CNBD1: variants seen among roughly 807,000 people sequenced by gnomAD.
CNBD1 encodes cyclic nucleotide binding domain containing 1, also known as cyclic nucleotide-binding domain-containing protein 1.
A neutral mutation model predicts 54.4 loss-of-function variants in CNBD1; 71 were observed. That is an observed-to-expected ratio of 1.30 (90% CI 1.08 to 1.59). The LOEUF (loss-of-function observed/expected upper bound fraction) is 1.59. CNBD1 is among the 40% of genes most tolerant of loss of function. The pLI is 0.00. For synonymous variants in CNBD1, 182 were observed against 170.7 expected (o/e 1.07, Z -0.51); for missense variants, 659 against 518.0 (o/e 1.27, Z -2.64).
chr8:87,391,528 C>G (rs1409690300), intron 2 of CNBD1, among the ~76,000 whole-genome samples: 1 of 152,046 alleles, frequency 6.6e-6, no homozygotes, highest in Admixed American at 6.6e-5. Flanking sequence ...AATTGAATGT[C>G]CATAAATAAA....
chr8:87,149,601 C>T (rs1812560509), intron 4 of CNBD1, among the ~76,000 whole-genome samples: 1 of 152,092 alleles, frequency 6.6e-6, no homozygotes, highest in Non-Finnish European at 1.5e-5. Flanking sequence ...GTTTAAATTT[C>T]AGGTATCTTG....
intron 1 of CNBD1, among the ~76,000 whole-genome samples, chr8:86,879,561 C>T (rs1352201595): frequency 6.6e-6 from 1 of 152,128 alleles, no homozygotes; most frequent in Non-Finnish European, 1.5e-5. Flanking sequence ...GCACCCAGAA[C>T]ATGCGTTGTT....
chr8:87,289,031 A>G (rs143114612), intron 8 of CNBD1, among the ~76,000 whole-genome samples: 3 of 152,240 alleles, frequency 2.0e-5, no homozygotes, highest in African/African-American at 7.2e-5. Context: ...CTGACTGTTT[A>G]GTCAAGATTT....
chr8:87,272,931 T>C (rs1236069239), intron 6 of CNBD1, among the ~76,000 whole-genome samples: 2 of 151,960 alleles, frequency 1.3e-5, no homozygotes, highest in South Asian at 4.1e-4. Flanking sequence ...TCATGCTCGC[T>C]CTTCCAAAAA....
chr8:86,969,791 T>C (rs571982669), intron 4 of CNBD1, among the ~76,000 whole-genome samples: 789 of 53,730 alleles, frequency 0.015, 3 homozygotes, highest in African/African-American at 0.021. Context: ...TATATATATA[T>C]ATACACACAC....
intron 6 of CNBD1, among the ~76,000 whole-genome samples, chr8:87,268,589 A>T (rs1309269773): frequency 6.6e-6 from 1 of 151,846 alleles, no homozygotes; most frequent in Non-Finnish European, 1.5e-5. Flanking sequence ...AACCTCACCA[A>T]CATCTGTTGT....
intron 4 of CNBD1, among the ~76,000 whole-genome samples, chr8:87,056,011 C>A (rs1230789644): frequency 6.6e-6 from 1 of 151,460 alleles, no homozygotes; most frequent in African/African-American, 2.4e-5. Flanking sequence ...ATTTGTGGAG[C>A]ACTTACTATG....
At chr8:87,083,935 C>T (rs1811048872) in intron 4 of CNBD1, among the ~76,000 whole-genome samples, 1 of 152,118 alleles carries the variant, frequency 6.6e-6, no homozygotes, top group Non-Finnish European at 1.5e-5. Context: ...TCATGCTGCC[C>T]TAAAATGTAT....
intron 4 of CNBD1, among the ~76,000 whole-genome samples, chr8:87,075,583 C>T (rs527650163): frequency 7.2e-5 from 11 of 152,216 alleles, no homozygotes; most frequent in Non-Finnish European, 1.5e-4. Context: ...TTCTTCCCTA[C>T]TATATAAACT....
rs146419521 is a variant in CNBD1, at chr8:87,327,479, G to A, written c.1043-24206G>A. 8.3e-4 allele frequency among the ~76,000 whole-genome samples: 126 copies of A among 152,306 alleles called. 2 individuals are homozygous for A. In the East Asian group the frequency reaches 0.012, roughly 15 times the overall value. Reference sequence around the variant, plus strand: ...AGATTCCGTGGGCGTAGGATACTCCGAACCAGGTGTGGGATATAGTTTCGT... The same window carrying A: ...AGATTCCGTGGGCGTAGGATACTCCAAACCAGGTGTGGGATATAGTTTCGT... On this transcript the variant is annotated intron_variant, in intron 8 of 10. Transcript: ENST00000518476.
At chr8:87,277,290 G>A (rs994738013) in intron 6 of CNBD1, among the ~76,000 whole-genome samples, 1 of 151,652 alleles carries the variant, frequency 6.6e-6, no homozygotes, top group Non-Finnish European at 1.5e-5. Flanking sequence ...GGGAAGGTCA[G>A]CCTTTTATGC....
At position 87,353,765 on chromosome 8, in the gene CNBD1, A is replaced by C; in HGVS notation, c.1282A>C (p.Ile428Leu). The C allele has an allele frequency of 6.2e-7, 1 of 1,608,984 alleles. No homozygotes were observed. The highest frequency in any genetic ancestry group is 8.5e-7 in the Non-Finnish European group (1 of 1,178,004). The change falls in exon 10 of 11, where the codon ATT becomes CTT. Residue 428 changes from isoleucine to leucine, a missense_variant. By Grantham distance (5) the Ile-to-Leu change is conservative (BLOSUM62 2). Coordinates refer to ENST00000518476, the MANE Select transcript of CNBD1 (RefSeq NM_173538.3). The stretch of plus-strand genomic sequence containing the variant: ...CAAAAAAGAAGTTGAGATGGCAATC[A>C]TTGAAGATAAGGACCTATTTGGTAA... ...ITKKEVEMAI[I>L]EDKDLFVA
chr8:86,944,051 T>C (rs1475002603), intron 4 of CNBD1, among the ~76,000 whole-genome samples: 1 of 152,166 alleles, frequency 6.6e-6, no homozygotes, highest in Non-Finnish European at 1.5e-5. Flanking sequence ...GAATAAATGC[T>C]GAGGGAGAAG....
intron 2 of CNBD1, among the ~76,000 whole-genome samples, chr8:87,421,786 A>G (rs1437558008): frequency 4.9e-4 from 71 of 145,548 alleles, no homozygotes; most frequent in Non-Finnish European, 8.0e-4. Flanking sequence ...TTGGGTATAT[A>G]CCCAGTAATG....
intron 8 of CNBD1, among the ~76,000 whole-genome samples, chr8:87,330,297 G>T (rs141684137): frequency 6.8e-6 from 1 of 147,378 alleles, no homozygotes; most frequent in Non-Finnish European, 1.5e-5. Context: ...TGGAAACCAG[G>T]TTTTGGTTTT....
chr8:87,381,428 T>C (rs1385486990), intron 10 of CNBD1, among the ~76,000 whole-genome samples: 1 of 151,944 alleles, frequency 6.6e-6, no homozygotes, highest in Non-Finnish European at 1.5e-5. Flanking sequence ...ACTCTGTTAA[T>C]GGGAGCACAA....
intron 4 of CNBD1, among the ~76,000 whole-genome samples, chr8:87,105,978 C>A (rs139369511): frequency 6.6e-6 from 1 of 152,082 alleles, no homozygotes; most frequent in African/African-American, 2.4e-5. Flanking sequence ...TCTTTGATAA[C>A]GCTGACCCTT....
At chr8:87,329,379 A>G (rs113454284) in intron 8 of CNBD1, among the ~76,000 whole-genome samples, 2,743 of 152,172 alleles carry the variant, frequency 0.018, 82 homozygotes, top group African/African-American at 0.06. Flanking sequence ...TGTATTGGCT[A>G]TTCTGGGTCT....
chr8:87,265,679 GT>G (rs1432831066), intron 6 of CNBD1, among the ~76,000 whole-genome samples: 1 of 151,948 alleles, frequency 6.6e-6, no homozygotes, highest in Non-Finnish European at 1.5e-5. Flanking sequence ...TCTTAATAAA[GT>G]TTTTATGGAA....
Sources: gnomAD v4.1 joint callset for allele counts (sites outside exome capture counted in the v4.1 genomes callset) on GRCh38, gnomAD v4.1.1 for gene constraint, MANE v1.5 for transcripts, NCBI Gene and HGNC (gene_info 2026-07-23, HGNC 2026-07-21) for gene names.